The following GLIS3 variants were observed in gnomAD, a reference collection of about 807,000 sequenced individuals.
GLIS3 encodes the protein zinc finger protein GLIS3.
In GLIS3, 53 loss-of-function variants were observed where a neutral mutation model predicts 78.6. The ratio of observed to expected loss-of-function variants is 0.67; its 90% confidence interval spans 0.54 to 0.85. The LOEUF (loss-of-function observed/expected upper bound fraction) is 0.85, where lower values mean the gene tolerates loss of function less well. Ranked by LOEUF, GLIS3 falls within the 40% of genes least tolerant of loss-of-function variation. GLIS3 has a pLI of 0.00. For missense variants in GLIS3, 1,703 were observed against 1,231.1 expected (o/e 1.38, Z -5.74); for synonymous variants, 684 against 509.9 (o/e 1.34, Z -4.60).
intron 7 of GLIS3, among the ~76,000 whole-genome samples, chr9:3,882,628 T>C (rs1821809098): frequency 6.6e-6 from 1 of 152,188 alleles, no homozygotes; most frequent in African/African-American, 2.4e-5. Context: ...CAAGCCCACG[T>C]CAACTGGTGT....
At chr9:4,027,416 G>C (rs915790203) in intron 4 of GLIS3, among the ~76,000 whole-genome samples, 2 of 152,176 alleles carry the variant, frequency 1.3e-5, no homozygotes, top group Non-Finnish European at 2.9e-5. Flanking sequence ...ATTTGGTAAA[G>C]GACAATCAGT....
intron 2 of GLIS3, among the ~76,000 whole-genome samples, chr9:4,327,830 C>A (rs144661622): frequency 2.0e-5 from 3 of 152,190 alleles, no homozygotes; most frequent in Non-Finnish European, 4.4e-5. Flanking sequence ...TGTCACTCCT[C>A]GAGGTGCATC....
intron 4 of GLIS3, among the ~76,000 whole-genome samples, chr9:4,106,345 G>A (rs1830750494): frequency 6.6e-6 from 1 of 152,174 alleles, no homozygotes; most frequent in African/African-American, 2.4e-5. Flanking sequence ...TGATAAGCTT[G>A]TTTGCCTAGC....
At chr9:4,230,998 G>A (rs1822205187) in intron 2 of GLIS3, among the ~76,000 whole-genome samples, 1 of 152,142 alleles carries the variant, frequency 6.6e-6, no homozygotes, top group Admixed American at 6.6e-5. Flanking sequence ...CTTGAGCCCA[G>A]GAGTTTGAGG....
intron 7 of GLIS3, among the ~76,000 whole-genome samples, chr9:3,892,985 T>G (rs575634145): frequency 3.9e-5 from 6 of 152,174 alleles, no homozygotes; most frequent in Non-Finnish European, 8.8e-5. Flanking sequence ...CAGGGTCACA[T>G]GTACAGGTTT....
In GLIS3 at chr9:4,207,998, T is replaced by A. The variant is rs78471335; in HGVS notation, c.388+78040A>T. On this transcript the variant is annotated intron_variant, in intron 2 of 10. Transcript: ENST00000381971. Reference sequence around the variant, plus strand: ...AGCGGTGTGCTTTAAACAGCACAGTTAGTGTGTGTGACTCAATAACCATTC... The same window carrying A: ...AGCGGTGTGCTTTAAACAGCACAGTAAGTGTGTGTGACTCAATAACCATTC... Among the ~76,000 whole-genome samples the A allele has an allele frequency of 3.2e-3, 480 of 152,340 alleles. 2 individuals are homozygous for A. The highest frequency in any genetic ancestry group is 0.011 in the African/African-American group (449 of 41,572).
intron 2 of GLIS3, among the ~76,000 whole-genome samples, chr9:4,127,320 G>A (rs1832647687): frequency 6.6e-6 from 1 of 152,108 alleles, no homozygotes; most frequent in African/African-American, 2.4e-5. Flanking sequence ...GCTCTGATAT[G>A]CCTAGTTTCT....
intron 2 of GLIS3, among the ~76,000 whole-genome samples, chr9:4,319,676 T>C (rs1817493168): frequency 6.6e-6 from 1 of 152,086 alleles, no homozygotes; most frequent in Admixed American, 6.6e-5. Context: ...ACTATAGGTG[T>C]TTGCCACCAC....
intron 2 of GLIS3, among the ~76,000 whole-genome samples, chr9:4,126,175 C>G (rs937184448): frequency 4.6e-5 from 7 of 152,088 alleles, no homozygotes; most frequent in African/African-American, 1.7e-4. Context: ...AAATTTTACT[C>G]CTTCTATGTA....
intron 6 of GLIS3, 151 bp from the exon 7 acceptor site, chr9:3,898,986 C>T: frequency 3.2e-6 from 3 of 941,644 alleles, no homozygotes; most frequent in East Asian, 2.6e-5. Flanking sequence ...AACAGAGTGT[C>T]AATAAAAGGA....
chr9:3,881,821 T>A (rs770242119), intron 7 of GLIS3, among the ~76,000 whole-genome samples: 1 of 152,216 alleles, frequency 6.6e-6, no homozygotes, highest in Non-Finnish European at 1.5e-5. Context: ...ATATCGATTT[T>A]ACCAAAATAC....
At chr9:4,317,815 G>C (rs1261437844) in intron 2 of GLIS3, among the ~76,000 whole-genome samples, 2 of 152,160 alleles carry the variant, frequency 1.3e-5, no homozygotes, top group South Asian at 2.1e-4. Flanking sequence ...ACCATTGAGA[G>C]TGAATGAAGT....
At chr9:3,926,826 T>C (rs1825290227) in intron 6 of GLIS3, among the ~76,000 whole-genome samples, 1 of 151,744 alleles carries the variant, frequency 6.6e-6, no homozygotes, top group African/African-American at 2.4e-5. Context: ...GGATTCGTCA[T>C]GTTGGCCAGG....
chr9:3,858,111 G>A (rs1339800402), intron 8 of GLIS3, among the ~76,000 whole-genome samples: 1 of 152,106 alleles, frequency 6.6e-6, no homozygotes, highest in African/African-American at 2.4e-5. Flanking sequence ...TGGGGCAAAG[G>A]AGCAAGATCC....
At chr9:4,265,586 A>T (rs1002014293) in intron 2 of GLIS3, among the ~76,000 whole-genome samples, 1 of 152,112 alleles carries the variant, frequency 6.6e-6, no homozygotes, top group East Asian at 1.9e-4. Flanking sequence ...CTACCTCCTA[A>T]AACAAAAATG....
intron 4 of GLIS3, among the ~76,000 whole-genome samples, chr9:4,009,631 C>G (rs968629012): frequency 6.6e-6 from 1 of 152,130 alleles, no homozygotes; most frequent in Non-Finnish European, 1.5e-5. Context: ...CTCTGTGTTA[C>G]GTTTGGCAGA....
chr9:4,178,714 T>A (rs1005196685), intron 2 of GLIS3, among the ~76,000 whole-genome samples: 17 of 152,328 alleles, frequency 1.1e-4, no homozygotes, highest in Admixed American at 7.2e-4. Flanking sequence ...TTAGAGCGTA[T>A]AGAATTTTTC....
intron 2 of GLIS3, among the ~76,000 whole-genome samples, chr9:4,236,184 C>CAAAAAAAAAAAAAAAAAAAA (rs59839951): frequency 7.1e-5 from 6 of 84,298 alleles, no homozygotes; most frequent in African/African-American, 1.3e-4. Context: ...GTGGTTGTCA[C>CAAAAAAAAAAAAAAAAAAAA]AAAAAAAAAA....
chr9:4,478,982 A>C, the GLIS3 span, among the ~76,000 whole-genome samples: 1 of 152,244 alleles, frequency 6.6e-6, no homozygotes, highest in African/African-American at 2.4e-5. Context: ...ATTAATTTCC[A>C]CTATGAAGAA....
Sources: gnomAD v4.1 joint callset for allele counts (sites outside exome capture counted in the v4.1 genomes callset) on GRCh38, gnomAD v4.1.1 for gene constraint, MANE v1.5 for transcripts, NCBI Gene and HGNC (gene_info 2026-07-23, HGNC 2026-07-21) for gene names.